Variants in AGMO observed in about 807,000 individuals in gnomAD.
AGMO encodes alkylglycerol monooxygenase.
Under a neutral mutation model 60.2 loss-of-function variants are expected in AGMO, and 75 were observed. That is an observed-to-expected ratio of 1.25 (90% confidence interval 1.03 to 1.51). AGMO has a LOEUF of 1.51. AGMO is among the 40% of genes most tolerant of loss of function. The probability of loss-of-function intolerance (pLI) is 0.00; values close to 1 mark genes in which losing one functional copy is unlikely to be tolerated. For missense variants in AGMO, 763 were observed against 525.5 expected, an observed-to-expected ratio of 1.45 and a Z score of -4.42; for synonymous variants, 261 against 177.1, an observed-to-expected ratio of 1.47 and a Z score of -3.76.
At chr7:15,505,645 C>T (rs1204436606) in intron 3 of AGMO, among the ~76,000 whole-genome samples, 1 of 151,710 alleles carries the variant, frequency 6.6e-6, no homozygotes, top group African/African-American at 2.4e-5. Context: ...ACAAAGAGAA[C>T]ATAACATGAA....
chr7:15,365,608 G>A lies in AGMO; in HGVS notation c.1169C>T (p.Ala390Val). The A allele has an allele frequency of 6.2e-7, 1 of 1,611,814 alleles. No homozygotes were observed. Among genetic ancestry groups the A allele is most frequent in the Non-Finnish European group, 8.5e-7 (1 of 1,178,388 alleles). Residue 390 changes from alanine to valine, a missense_variant, in exon 12 of 13, where the codon GCT becomes GTT. Transcript: ENST00000342526. ...GFLLDQRPKA[A>V]IMETLRCLMF... is the part of the protein sequence containing the mutation. Reference sequence around the variant, plus strand: ...CAAGCAACGGAGAGTTTCCATAATAGCTGCCTTGGGTCTGAAATAAAATGT... The same window carrying A: ...CAAGCAACGGAGAGTTTCCATAATAACTGCCTTGGGTCTGAAATAAAATGT...
chr7:15,227,212 T>C (rs1032359299), intron 12 of AGMO, among the ~76,000 whole-genome samples: 1 of 152,028 alleles, frequency 6.6e-6, no homozygotes, highest in Admixed American at 6.6e-5. Context: ...CATAAGAGTA[T>C]ATTCTCAGTA....
the AGMO span, among the ~76,000 whole-genome samples, chr7:15,169,221 T>TAAG: frequency 1.3e-5 from 2 of 152,194 alleles, no homozygotes. Flanking sequence ...AACATACTTT[T>TAAG]GGCTTTGCAA....
chr7:15,148,333 T>C, the AGMO span, among the ~76,000 whole-genome samples: 1 of 152,204 alleles, frequency 6.6e-6, no homozygotes, highest in African/African-American at 2.4e-5. Flanking sequence ...TCTATTTTTT[T>C]CAACTTTTAT....
At chr7:15,386,492 T>C (rs1783919196) in intron 9 of AGMO, among the ~76,000 whole-genome samples, 1 of 152,192 alleles carries the variant, frequency 6.6e-6, no homozygotes, top group Non-Finnish European at 1.5e-5. Context: ...ATATAAAAAT[T>C]ATTTCACCTA....
chr7:15,470,087 G>C (rs1459321769), intron 3 of AGMO, among the ~76,000 whole-genome samples: 2 of 152,036 alleles, frequency 1.3e-5, no homozygotes, highest in Non-Finnish European at 2.9e-5. Context: ...ATGACTGAGA[G>C]AGGGTAGTCA....
chr7:15,499,907 GCA>G (rs367953278), intron 3 of AGMO, among the ~76,000 whole-genome samples: 1,379 of 137,682 alleles, frequency 0.01, 23 homozygotes, highest in African/African-American at 0.034. Context: ...TATGTATTAC[GCA>G]CACACACACA....
intron 5 of AGMO, among the ~76,000 whole-genome samples, chr7:15,411,150 T>C (rs1342491754): frequency 1.3e-5 from 2 of 151,992 alleles, no homozygotes; most frequent in African/African-American, 4.8e-5. Flanking sequence ...CCGTATTGCA[T>C]GATTGCTTGC....
At chr7:15,206,464 C>A (rs1325859368) in intron 12 of AGMO, among the ~76,000 whole-genome samples, 1 of 152,068 alleles carries the variant, frequency 6.6e-6, no homozygotes, top group East Asian at 1.9e-4. Flanking sequence ...TTCTATACCC[C>A]ATTCAAGAGA....
intron 5 of AGMO, among the ~76,000 whole-genome samples, chr7:15,409,685 G>A (rs938748557): frequency 6.6e-6 from 1 of 151,782 alleles, no homozygotes; most frequent in Admixed American, 6.6e-5. Flanking sequence ...TGAGAATTAA[G>A]AGAGCAATTT....
At chr7:15,270,635 T>TTTTTTTTTTTTTTTTTG (rs1563063233) in intron 12 of AGMO, among the ~76,000 whole-genome samples, 2 of 116,298 alleles carry the variant, frequency 1.7e-5, no homozygotes, top group African/African-American at 6.8e-5. Context: ...TTTTTTTTTT[T>TTTTTTTTTTTTTTTTTG]TTGCTGTGCA....
intron 3 of AGMO, among the ~76,000 whole-genome samples, chr7:15,524,777 A>G (rs2196394): frequency 0.8 from 120,635 of 150,888 alleles, 48,389 homozygotes; most frequent in East Asian, 0.97. Flanking sequence ...CAGGAGAATC[A>G]CTTGAATGCA....
chr7:15,120,984 C>A, the AGMO span, among the ~76,000 whole-genome samples: 1 of 151,946 alleles, frequency 6.6e-6, no homozygotes, highest in Non-Finnish European at 1.5e-5. Context: ...CTGCCCACCC[C>A]CAGACAGGCC....
chr7:15,297,999 C>T (rs891496463), intron 12 of AGMO, among the ~76,000 whole-genome samples: 1 of 152,122 alleles, frequency 6.6e-6, no homozygotes, highest in Non-Finnish European at 1.5e-5. Flanking sequence ...AAAGGCAATA[C>T]TTTAATTCTA....
intron 3 of AGMO, among the ~76,000 whole-genome samples, chr7:15,499,531 C>G (rs141577329): frequency 6.6e-6 from 1 of 151,854 alleles, no homozygotes; most frequent in Non-Finnish European, 1.5e-5. Context: ...AACTGGCACT[C>G]TCATGCAATG....
chr7:15,182,059 T>A, the AGMO span, among the ~76,000 whole-genome samples: 1 of 152,150 alleles, frequency 6.6e-6, no homozygotes, highest in Admixed American at 6.5e-5. Flanking sequence ...GATACATCAG[T>A]AAATCTTAAA....
intron 12 of AGMO, among the ~76,000 whole-genome samples, chr7:15,244,632 C>CT (rs137954102): frequency 0.2 from 30,211 of 151,380 alleles, 3,206 homozygotes; most frequent in South Asian, 0.33. Context: ...TTTGCTCATT[C>CT]TTTTTTTTGT....
At chr7:15,222,448 G>A (rs555193389) in intron 12 of AGMO, among the ~76,000 whole-genome samples, 4 of 151,992 alleles carry the variant, frequency 2.6e-5, no homozygotes, top group South Asian at 2.1e-4. Flanking sequence ...TTGAGATTTC[G>A]TGATCTTTAG....
intron 10 of AGMO, among the ~76,000 whole-genome samples, chr7:15,371,633 G>A (rs953835635): frequency 1.3e-5 from 2 of 152,058 alleles, no homozygotes; most frequent in African/African-American, 2.4e-5. Context: ...CCTGACCTCA[G>A]GTGATCTGCC....
Sources: allele counts gnomAD v4.1 joint callset (sites outside exome capture counted in the v4.1 genomes callset), GRCh38; gene constraint gnomAD v4.1.1; transcripts MANE v1.5; gene names NCBI Gene and HGNC (gene_info 2026-07-23, HGNC 2026-07-21).